The following KIAA1143 variants were observed in gnomAD, a reference collection of about 807,000 sequenced individuals.
KIAA1143 encodes uncharacterized protein KIAA1143.
In KIAA1143, 8 loss-of-function variants were observed where a neutral mutation model predicts 17.0. The observed-to-expected ratio is 0.47, with a 90% confidence interval of 0.28 to 0.85. The LOEUF is 0.85. Ranked by LOEUF, KIAA1143 falls within the 40% of genes least tolerant of loss-of-function variation. The probability of loss-of-function intolerance (pLI) is 0.12; values close to 1 mark genes in which losing one functional copy is unlikely to be tolerated. For synonymous variants in KIAA1143, 64 were observed against 67.8 expected (o/e 0.94, Z 0.27); for missense variants, 162 against 183.3 (o/e 0.88, Z 0.67).
intron 1 of KIAA1143, among the ~76,000 whole-genome samples, chr3:44,757,960 TAA>T: frequency 6.6e-6 from 1 of 152,300 alleles, no homozygotes; most frequent in Middle Eastern, 3.4e-3. Flanking sequence ...CCAGTTCACA[TAA>T]AAGTTATGTT....
intron 1 of KIAA1143, among the ~76,000 whole-genome samples, chr3:44,758,864 C>CTT (rs1215136400): frequency 2.1e-5 from 3 of 139,998 alleles, no homozygotes; most frequent in African/African-American, 2.6e-5. Flanking sequence ...ATGGTTTTGA[C>CTT]TTTTTTTTTT....
At chr3:44,761,415 C>A in intron 1 of KIAA1143, 80 bp downstream of exon 1, 1 of 1,113,698 alleles carries the variant, frequency 9.0e-7, no homozygotes, top group Non-Finnish European at 1.3e-6. Flanking sequence ...CCCGACAGCA[C>A]CCACCCTCCA....
At chr3:44,755,408 A>G (rs910324422) in intron 1 of KIAA1143, among the ~76,000 whole-genome samples, 2 of 152,166 alleles carry the variant, frequency 1.3e-5, no homozygotes, top group Non-Finnish European at 2.9e-5. Context: ...ACAATCACTC[A>G]TTACTCCACT....
intron 1 of KIAA1143, among the ~76,000 whole-genome samples, chr3:44,759,103 A>G (rs1705018163): frequency 6.6e-6 from 1 of 152,112 alleles, no homozygotes; most frequent in South Asian, 2.1e-4. Flanking sequence ...GGCTCAAGCA[A>G]TCCACCTGCC....
Position 44,753,018 on chromosome 3 carries a change from A to G in KIAA1143, c.*323T>C, listed in dbSNP as rs1704910909. The G allele has an allele frequency of 5.7e-6, 1 of 174,196 alleles. No individual in the cohort carries two copies. The highest frequency in any genetic ancestry group is 5.9e-5 in the Admixed American group (1 of 17,076). The allele number at this position is 174,196 out of a possible 1,614,324, so 10.8% of individuals were successfully genotyped here. Reference sequence around the variant, plus strand: ...ACTCGTAATGCAATGTCAAGTGAGAAGCAGGACAAAGAACATTTGCAATAC... The same window carrying G: ...ACTCGTAATGCAATGTCAAGTGAGAGGCAGGACAAAGAACATTTGCAATAC... On this transcript the variant is annotated 3_prime_UTR_variant, in exon 3 of 3. Transcript: ENST00000296121.
chr3:44,753,884 T>C (rs917779988), intron 2 of KIAA1143, among the ~76,000 whole-genome samples: 1 of 152,158 alleles, frequency 6.6e-6, no homozygotes, highest in Non-Finnish European at 1.5e-5. Context: ...ATATACTACA[T>C]ATCATACCAA....
intron 1 of KIAA1143, among the ~76,000 whole-genome samples, chr3:44,760,019 T>C (rs1304879422): frequency 6.6e-6 from 1 of 152,136 alleles, no homozygotes; most frequent in African/African-American, 2.4e-5. Context: ...TCTGAATAAT[T>C]TGCTTCTTCA....
chr3:44,754,118 C>T (rs1200544347), intron 2 of KIAA1143, 106 bp downstream of exon 2: 4 of 1,167,888 alleles, frequency 3.4e-6, no homozygotes, highest in Non-Finnish European at 4.9e-6. Flanking sequence ...AAGGCTTGAA[C>T]CCGGAACTGC....
intron 1 of KIAA1143, 101 bp downstream of exon 1, chr3:44,761,394 G>T: frequency 1.1e-6 from 1 of 878,918 alleles, no homozygotes; most frequent in Non-Finnish European, 1.8e-6. Flanking sequence ...GAGCGCGGGT[G>T]AAAAGAGGGA....
At chr3:44,757,329 A>C (rs1406312510) in intron 1 of KIAA1143, among the ~76,000 whole-genome samples, 1 of 152,130 alleles carries the variant, frequency 6.6e-6, no homozygotes, top group East Asian at 1.9e-4. Flanking sequence ...GTTGCTTACT[A>C]AATAGTCCAC....
chr3:44,756,479 C>T (rs1296831235), intron 1 of KIAA1143, among the ~76,000 whole-genome samples: 2 of 152,170 alleles, frequency 1.3e-5, no homozygotes, highest in Non-Finnish European at 2.9e-5. Context: ...AGGAGAATTG[C>T]TTGAACCCAA....
intron 1 of KIAA1143, 111 bp downstream of exon 1, chr3:44,761,384 G>T: frequency 1.3e-6 from 1 of 774,722 alleles, no homozygotes; most frequent in South Asian, 1.8e-5. Flanking sequence ...AATTGGGTTC[G>T]AGCGCGGGTG....
Position 44,751,109 on chromosome 3 carries a change from T to C in KIAA1143, c.*2232A>G, listed in dbSNP as rs2125878560. 6.6e-6 allele frequency: 1 copy of C among 152,132 alleles called. No individual in the cohort carries two copies. Among genetic ancestry groups the C allele is most frequent in the Non-Finnish European group, 1.5e-5 (1 of 68,018 alleles). 9.4% of individuals were successfully genotyped at this position (152,132 alleles called of 1,614,324 possible). Reference sequence around the variant, plus strand: ...GAGAGTCTATATGGACAATGATTCTTGTTGCACTTTGTGTGGGTAATCAGG... The same window carrying C: ...GAGAGTCTATATGGACAATGATTCTCGTTGCACTTTGTGTGGGTAATCAGG... On this transcript the variant is annotated 3_prime_UTR_variant, in exon 3 of 3. Transcript: ENST00000296121.
rs1217128069 is a variant in KIAA1143, at chr3:44,754,255, T to G, written c.222A>C (p.Lys74Asn). The change falls in exon 2 of 3, where the codon AAA becomes AAC. Residue 74 changes from lysine to asparagine, a missense_variant. By Grantham distance (94) the Lys-to-Asn change is moderately conservative. This residue lies in a region of KIAA1143 where 137 missense variants were observed against 132.5 expected (regional missense o/e 1.03). Transcript: ENST00000296121. ...KGDLSVEEVMKIKAEIKAAKA... is the reference protein window; with the variant it reads ...KGDLSVEEVMNIKAEIKAAKA... ...TGGCAGCCTTTATTTCTGCTTTAAT[T>G]TTCATGACTTCTTCAACTGACAGGT... 18 of 1,613,820 alleles carry G rather than the reference T, an allele frequency of 1.1e-5. No homozygotes were observed. Among genetic ancestry groups the G allele is most frequent in the Non-Finnish European group, 1.5e-5 (18 of 1,179,992 alleles).
intron 1 of KIAA1143, among the ~76,000 whole-genome samples, chr3:44,759,738 T>C (rs973595431): frequency 6.6e-6 from 1 of 151,342 alleles, no homozygotes; most frequent in Non-Finnish European, 1.5e-5. Flanking sequence ...TACAAAAAAA[T>C]ACAAAAATTA....
Position 44,753,411 on chromosome 3 carries a change from T to C in KIAA1143, c.395A>G (p.Lys132Arg). The change falls in exon 3 of 3, where the codon AAA becomes AGA. Residue 132 changes from lysine (K) to arginine (R), a missense_variant. This residue lies in a region of KIAA1143 where 25 missense variants were observed against 50.8 expected (regional missense o/e 0.49). Coordinates refer to ENST00000296121, the MANE Select transcript of KIAA1143 (RefSeq NM_020696.4). ...TTTAATTTGTTTTTGTGAGTTCTTT[T>C]TGACCGAGTCCTGATTTACTTCATC... ...NEDEVNQDSV[K>R]KNSQKQIKNS... 1 of 1,597,900 alleles carries C rather than the reference T, an allele frequency of 6.3e-7. No individual in the cohort carries two copies. The highest frequency in any genetic ancestry group is 8.6e-7 in the Non-Finnish European group (1 of 1,165,726).
Position 44,754,181 on chromosome 3 carries a change from G to C in KIAA1143, c.253+43C>G, listed in dbSNP as rs200787209. The C allele has an allele frequency of 2.5e-6, 4 of 1,593,642 alleles. No individual in the cohort carries two copies. The East Asian group carries it at 6.7e-5, about 27-fold the overall frequency. ...TAAAATAAACAATTTCATACCCTGG[G>C]CTCCTTAAATTGTTAGAAAAACCAG... On this transcript the variant is annotated intron_variant, in intron 2 of 2. Coordinates refer to ENST00000296121, the MANE Select transcript of KIAA1143 (RefSeq NM_020696.4).
Position 44,761,503 on chromosome 3 carries a change from C to T in KIAA1143, c.100G>A (p.Glu34Lys). 2 of 1,613,450 alleles carry T rather than the reference C, an allele frequency of 1.2e-6. No individual in the cohort carries two copies. The highest frequency in any genetic ancestry group is 2.7e-5 in the African/African-American group (2 of 75,018). Residue 34 changes from glutamate (E) to lysine (K), a missense_variant, in exon 1 of 3, where the codon GAG becomes AAG. Glu to Lys is a moderately conservative substitution (Grantham distance 56). Coordinates refer to ENST00000296121, the MANE Select transcript of KIAA1143 (RefSeq NM_020696.4). ...GACTGGCGAAGGCTCACCTTAGTCTCTACGGTGGGTCCCTCCCTGTAGCCG... is the reference window on the plus strand; with the variant it reads ...GACTGGCGAAGGCTCACCTTAGTCTTTACGGTGGGTCCCTCCCTGTAGCCG... ...RVGYREGPTV[E>K]TKRIQPQPPD...
intron 1 of KIAA1143, 59 bp downstream of exon 1, chr3:44,761,436 A>G: frequency 7.0e-7 from 1 of 1,422,732 alleles, no homozygotes; most frequent in Admixed American, 1.8e-5. Context: ...AGTAGAGGCA[A>G]AAGTTGAAAG....
Sources: gnomAD v4.1 joint callset for allele counts (sites outside exome capture counted in the v4.1 genomes callset) on GRCh38, gnomAD v4.1.1 for gene constraint, gnomAD v4.1.1 regional missense constraint, MANE v1.5 for transcripts, NCBI Gene and HGNC (gene_info 2026-07-23, HGNC 2026-07-21) for gene names.